NKAIN2: variants seen among roughly 807,000 people sequenced by gnomAD.
NKAIN2 encodes the protein sodium/potassium transporting ATPase interacting 2.
A neutral mutation model predicts 32.6 loss-of-function variants in NKAIN2; 14 were observed. That is an observed-to-expected ratio of 0.43 (90% CI 0.28 to 0.67). The LOEUF (loss-of-function observed/expected upper bound fraction) is 0.67. Among genes scored for constraint, NKAIN2 ranks in the 30% least tolerant of loss-of-function variants. The pLI, the probability that NKAIN2 is intolerant of heterozygous loss-of-function variation, is 0.17. For synonymous variants in NKAIN2, 80 were observed against 87.2 expected, an observed-to-expected ratio of 0.92 and a Z score of 0.46; for missense variants, 198 against 258.3, an observed-to-expected ratio of 0.77 and a Z score of 1.60.
At chr6:124,459,972 T>C (rs1204083307) in intron 3 of NKAIN2, among the ~76,000 whole-genome samples, 1 of 151,778 alleles carries the variant, frequency 6.6e-6, no homozygotes, top group African/African-American at 2.4e-5. Flanking sequence ...TGACCTACTT[T>C]ATATTGGATT....
rs199629152 is a variant in NKAIN2, at chr6:124,704,496, AAAT to A, written c.474+46122_474+46124del. On this transcript the variant is annotated intron_variant, in intron 4 of 6. Transcript: ENST00000368417. ...TAGCAGTGGAAGGCTAACTTGTTCC[AAAT>A]AATAATAATAAAAAAACATGTTGGA... Among the ~76,000 whole-genome samples the A allele has an allele frequency of 9.1e-3, 1,378 of 152,050 alleles. 6 individuals carry two copies. Among genetic ancestry groups the A allele is most frequent in the Middle Eastern group, 0.031 (9 of 294 alleles).
At chr6:123,911,531 A>G (rs1297406503) in intron 1 of NKAIN2, among the ~76,000 whole-genome samples, 1 of 151,928 alleles carries the variant, frequency 6.6e-6, no homozygotes, top group Non-Finnish European at 1.5e-5. Context: ...CTATGATCCA[A>G]ATACCTCCCA....
chr6:124,092,050 G>A (rs17629528), intron 1 of NKAIN2, among the ~76,000 whole-genome samples: 2,858 of 152,020 alleles, frequency 0.019, 32 homozygotes, highest in Non-Finnish European at 0.027. Context: ...TTTTTACATA[G>A]TTTAATGTTC....
chr6:123,999,363 G>A (rs74520642), intron 1 of NKAIN2, among the ~76,000 whole-genome samples: 4,078 of 152,158 alleles, frequency 0.027, 76 homozygotes, highest in Non-Finnish European at 0.043. Flanking sequence ...TGCCATGTGG[G>A]CAGAAAAACT....
At chr6:124,009,515 T>G (rs1780225877) in intron 1 of NKAIN2, among the ~76,000 whole-genome samples, 1 of 152,250 alleles carries the variant, frequency 6.6e-6, no homozygotes, top group East Asian at 1.9e-4. Flanking sequence ...CTCCTTGCAC[T>G]GCATACCCTA....
chr6:124,345,236 A>C (rs1356536861), intron 2 of NKAIN2, among the ~76,000 whole-genome samples: 1 of 152,160 alleles, frequency 6.6e-6, no homozygotes, highest in East Asian at 1.9e-4. Flanking sequence ...TCAGTTTGCC[A>C]GTATTTTATT....
intron 1 of NKAIN2, among the ~76,000 whole-genome samples, chr6:123,950,693 C>T (rs1284546125): frequency 6.6e-6 from 1 of 151,386 alleles, no homozygotes; most frequent in Non-Finnish European, 1.5e-5. Flanking sequence ...TTCCTTGGTT[C>T]GACTAGCTCC....
intron 1 of NKAIN2, among the ~76,000 whole-genome samples, chr6:124,144,116 C>T (rs192767892): frequency 1.3e-5 from 2 of 152,128 alleles, no homozygotes; most frequent in African/African-American, 4.8e-5. Flanking sequence ...GATTGATCTA[C>T]AAATTTATTG....
At chr6:124,322,610 G>T (rs1797245068) in intron 2 of NKAIN2, among the ~76,000 whole-genome samples, 1 of 151,988 alleles carries the variant, frequency 6.6e-6, no homozygotes, top group East Asian at 1.9e-4. Context: ...GTCATTTCTA[G>T]ACTATTATTG....
chr6:124,333,452 G>A (rs1797744732), intron 2 of NKAIN2, among the ~76,000 whole-genome samples: 1 of 140,290 alleles, frequency 7.1e-6, no homozygotes, highest in African/African-American at 2.9e-5. Context: ...CTGAGGTCAG[G>A]AGTTGGAGAC....
chr6:123,982,035 A>G (rs1582880941), intron 1 of NKAIN2, among the ~76,000 whole-genome samples: 1 of 152,196 alleles, frequency 6.6e-6, no homozygotes, highest in East Asian at 1.9e-4. Flanking sequence ...CATTTTCTGT[A>G]GGTTAAGTCT....
At chr6:124,714,858 A>C (rs1283419219) in intron 4 of NKAIN2, among the ~76,000 whole-genome samples, 1 of 152,176 alleles carries the variant, frequency 6.6e-6, no homozygotes, top group Non-Finnish European at 1.5e-5. Flanking sequence ...GCTCTGAAGC[A>C]AGAAGCAGGT....
chr6:124,063,506 T>C (rs1783018620), intron 1 of NKAIN2, among the ~76,000 whole-genome samples: 1 of 152,122 alleles, frequency 6.6e-6, no homozygotes, highest in African/African-American at 2.4e-5. Context: ...TTCTCTTTTT[T>C]CTACTGGATT....
chr6:124,194,580 C>A (rs1228090506), intron 1 of NKAIN2, among the ~76,000 whole-genome samples: 11 of 151,892 alleles, frequency 7.2e-5, no homozygotes, highest in Non-Finnish European at 1.6e-4. Flanking sequence ...TTTCTGTCTT[C>A]TTTGGGGTTA....
chr6:124,189,707 C>G (rs1240425264), intron 1 of NKAIN2, among the ~76,000 whole-genome samples: 5 of 152,022 alleles, frequency 3.3e-5, no homozygotes, highest in Non-Finnish European at 7.4e-5. Flanking sequence ...AAATAAAAAG[C>G]AAAACACTTG....
At chr6:124,414,397 C>T (rs1774366557) in intron 3 of NKAIN2, among the ~76,000 whole-genome samples, 1 of 152,030 alleles carries the variant, frequency 6.6e-6, no homozygotes, top group African/African-American at 2.4e-5. Context: ...ATGTTGGATT[C>T]TATTTGCTAA....
intron 3 of NKAIN2, among the ~76,000 whole-genome samples, chr6:124,407,502 A>G (rs1773919094): frequency 6.6e-6 from 1 of 152,086 alleles, no homozygotes; most frequent in African/African-American, 2.4e-5. Flanking sequence ...AGCTTCATCC[A>G]TGTCCCTGCA....
At chr6:124,410,327 A>G (rs1774100209) in intron 3 of NKAIN2, among the ~76,000 whole-genome samples, 1 of 152,066 alleles carries the variant, frequency 6.6e-6, no homozygotes, top group East Asian at 1.9e-4. Context: ...TCTTGTGGGC[A>G]TTTAGTGCTA....
chr6:124,253,604 T>C (rs1281579197), intron 1 of NKAIN2, among the ~76,000 whole-genome samples: 1 of 152,144 alleles, frequency 6.6e-6, no homozygotes, highest in African/African-American at 2.4e-5. Flanking sequence ...AAGTGTTCAA[T>C]TACTACTATT....
Sources: gnomAD v4.1 joint callset for allele counts (sites outside exome capture counted in the v4.1 genomes callset) on GRCh38, gnomAD v4.1.1 for gene constraint, MANE v1.5 for transcripts, NCBI Gene and HGNC (gene_info 2026-07-23, HGNC 2026-07-21) for gene names.